Variants in MICAL3 observed in about 807,000 individuals in gnomAD.
MICAL3 encodes the protein microtubule associated monooxygenase, calponin and LIM domain containing 3.
In MICAL3, 62 loss-of-function variants were observed where a neutral mutation model predicts 207.4. The observed-to-expected ratio is 0.30, with a 90% CI of 0.24 to 0.37. The LOEUF (loss-of-function observed/expected upper bound fraction) is 0.37, where lower values mean the gene tolerates loss of function less well. Among genes scored for constraint, MICAL3 ranks in the 10% least tolerant of loss-of-function variants. MICAL3 has a pLI of 1.00. For missense variants in MICAL3, 2,368 were observed against 2,635.6 expected (o/e 0.90, Z 2.22); for synonymous variants, 1,077 against 1,069.3 (o/e 1.01, Z -0.14).
intron 19 of MICAL3, among the ~76,000 whole-genome samples, chr22:17,844,178 G>C (rs1924390669): frequency 1.3e-5 from 2 of 152,164 alleles, no homozygotes; most frequent in South Asian, 2.1e-4. Flanking sequence ...GCAGAGAAGG[G>C]GCAGAGGTGC....
intron 1 of MICAL3, among the ~76,000 whole-genome samples, chr22:17,958,892 G>C (rs1934759791): frequency 6.6e-6 from 1 of 151,472 alleles, no homozygotes; most frequent in Non-Finnish European, 1.5e-5. Context: ...TTTTAGTAAA[G>C]ACAGGGTTTC....
At chr22:17,885,624 G>A (rs1398774276) in intron 16 of MICAL3, among the ~76,000 whole-genome samples, 2 of 139,114 alleles carry the variant, frequency 1.4e-5, no homozygotes, top group Non-Finnish European at 3.0e-5. Flanking sequence ...TATGAATACA[G>A]ATTTTTTTTA....
chr22:17,877,513 G>GGGAGGTTAGGGAGGTGAGGGAGGTTAT, intron 16 of MICAL3, among the ~76,000 whole-genome samples: 1 of 80,922 alleles, frequency 1.2e-5, no homozygotes, highest in African/African-American at 5.6e-5. Flanking sequence ...ATGGAGGTTA[G>GGGAGGTTAGGGAGGTGAGGGAGGTTAT]GGAGGTTAGG....
intron 1 of MICAL3, among the ~76,000 whole-genome samples, chr22:17,958,124 A>G (rs1339840941): frequency 7.0e-6 from 1 of 142,816 alleles, no homozygotes; most frequent in African/African-American, 2.5e-5. Flanking sequence ...AACAATTAAA[A>G]TAACGTGGAC....
intron 1 of MICAL3, among the ~76,000 whole-genome samples, chr22:17,908,345 T>C (rs972840695): frequency 2.6e-5 from 4 of 152,260 alleles, no homozygotes; most frequent in Non-Finnish European, 4.4e-5. Context: ...TCTCGCTTTG[T>C]TGCCCAGGCT....
chr22:17,821,987 T>C (rs67527329), intron 24 of MICAL3, 43 bp downstream of exon 24: 100,768 of 1,603,364 alleles, frequency 0.063, 3,543 homozygotes, highest in African/African-American at 0.14. Flanking sequence ...ATGGCCCTCG[T>C]AGGAATTCTG....
chr22:17,962,505 T>C (rs1055499890), intron 1 of MICAL3, among the ~76,000 whole-genome samples: 12 of 152,106 alleles, frequency 7.9e-5, no homozygotes, highest in Non-Finnish European at 1.8e-4. Context: ...CACCGCCTGA[T>C]TGCAGCCAGG....
At chr22:17,798,173 G>T (rs1344033648) in intron 29 of MICAL3, among the ~76,000 whole-genome samples, 1 of 152,184 alleles carries the variant, frequency 6.6e-6, no homozygotes, top group Non-Finnish European at 1.5e-5. Flanking sequence ...TATGAGCCGA[G>T]CCACCATTTA....
intron 1 of MICAL3, among the ~76,000 whole-genome samples, chr22:17,962,072 C>CA (rs979393982): frequency 6.0e-4 from 92 of 152,284 alleles, no homozygotes; most frequent in African/African-American, 2.0e-3. Context: ...AGATAATTTT[C>CA]AAGGCCAGTG....
At chr22:17,859,300 G>A (rs548590945) in intron 19 of MICAL3, among the ~76,000 whole-genome samples, 23 of 152,330 alleles carry the variant, frequency 1.5e-4, no homozygotes, top group African/African-American at 4.8e-4. Context: ...TCAGGGGGAC[G>A]GAGGCCAGAG....
intron 29 of MICAL3, 51 bp downstream of exon 29, chr22:17,808,793 G>T: frequency 6.8e-7 from 1 of 1,468,612 alleles, no homozygotes; most frequent in Non-Finnish European, 9.3e-7. Context: ...TACCACGGCG[G>T]GAGGGAGGGC....
Position 17,789,484 on chromosome 22 carries a change from T to C in MICAL3, c.*1248A>G, listed in dbSNP as rs558757156. On this transcript the variant is annotated 3_prime_UTR_variant, in exon 32 of 32. Coordinates refer to ENST00000441493, the MANE Select transcript of MICAL3 (RefSeq NM_015241.3). ...GAGGGTGAGAGTGGCAGCTCTGCTG[T>C]TGGCCTGGCCCAAAACAGAACGGAA... 8 of 152,344 alleles carry C rather than the reference T, an allele frequency of 5.3e-5. No homozygotes were observed. The highest frequency in any genetic ancestry group is 1.0e-4 in the Non-Finnish European group (7 of 68,038). 9.4% of individuals were successfully genotyped at this position (152,344 alleles called of 1,614,324 possible).
chr22:17,791,612 C>A (rs555928573), intron 29 of MICAL3: 18 of 389,522 alleles, frequency 4.6e-5, no homozygotes, highest in Admixed American at 4.3e-4. Flanking sequence ...ACATTGCTTT[C>A]CCTCTTTTTT....
chr22:17,923,230 C>T (rs1251357489), intron 1 of MICAL3, among the ~76,000 whole-genome samples: 1 of 152,180 alleles, frequency 6.6e-6, no homozygotes, highest in African/African-American at 2.4e-5. Context: ...ACAACTTCTC[C>T]CCACTTATGC....
rs1931123697 is a variant in MICAL3 at position 17,899,260 on chromosome 22, A to C, written c.948+188T>G. ...ATTACACTATTCTCCCCCCGTTTTTATTTACATTTGAAATTAGCCATAGTT... is the reference window on the plus strand; with the variant it reads ...ATTACACTATTCTCCCCCCGTTTTTCTTTACATTTGAAATTAGCCATAGTT... On this transcript the variant is annotated intron_variant, in intron 7 of 31. Coordinates refer to ENST00000441493, the MANE Select transcript of MICAL3 (RefSeq NM_015241.3). 3 of 670,512 alleles carry C rather than the reference A, an allele frequency of 4.5e-6. No homozygotes were observed. The Admixed American group carries it at 6.2e-5, about 14-fold the overall frequency. The allele number at this position is 670,512 out of a possible 1,614,324, so 41.5% of individuals were successfully genotyped here. A position where few individuals can be genotyped will look rare whatever the true frequency, so the allele number is the denominator to read the frequency against.
At chr22:17,934,848 C>T (rs1403415092) in intron 1 of MICAL3, among the ~76,000 whole-genome samples, 1 of 152,014 alleles carries the variant, frequency 6.6e-6, no homozygotes, top group African/African-American at 2.4e-5. Context: ...TGAGTGAATT[C>T]CCATTCACAA....
Position 17,998,841 on chromosome 22 carries a change from C to T in MICAL3, c.-75+25440G>A, listed in dbSNP as rs527987309. On this transcript the variant is annotated intron_variant, in intron 1 of 31. Coordinates refer to ENST00000441493, the MANE Select transcript of MICAL3 (RefSeq NM_015241.3). ...TGCTGGGATTACAGGTGTGAGCCAC[C>T]GCGCCGGGCCCAGAGCATAATTATT... Among the ~76,000 whole-genome samples the T allele has an allele frequency of 5.9e-5, 9 of 152,092 alleles. No individual in the cohort carries two copies. The East Asian group carries it at 1.3e-3, about 23-fold the overall frequency.
intron 1 of MICAL3, among the ~76,000 whole-genome samples, chr22:17,913,964 C>A (rs1228757881): frequency 6.6e-6 from 1 of 152,150 alleles, no homozygotes. Flanking sequence ...CACCATCCTA[C>A]AGTCTCCTCA....
intron 29 of MICAL3, among the ~76,000 whole-genome samples, chr22:17,801,392 A>G (rs1216889548): frequency 2.0e-5 from 1 of 49,676 alleles, no homozygotes; most frequent in Non-Finnish European, 3.3e-5. Context: ...TGACCTCGTG[A>G]TCCGCCCGCC....
Sources: gnomAD v4.1 joint callset for allele counts (sites outside exome capture counted in the v4.1 genomes callset) on GRCh38, gnomAD v4.1.1 for gene constraint, MANE v1.5 for transcripts, NCBI Gene and HGNC (gene_info 2026-07-23, HGNC 2026-07-21) for gene names.